The following CGNL1 variants were observed in gnomAD, a reference collection of about 807,000 sequenced individuals.
The protein encoded by CGNL1 is cingulin like 1, also known as cingulin-like protein 1.
In CGNL1, 132 loss-of-function variants were observed where a neutral mutation model predicts 141.2. That is an observed-to-expected ratio of 0.93 (90% CI 0.81 to 1.08). CGNL1 has a LOEUF of 1.08. Among genes scored for constraint, CGNL1 ranks in the 50% least tolerant of loss-of-function variants. The pLI is 0.00. For missense variants in CGNL1, 1,870 were observed against 1,588.6 expected (o/e 1.18, Z -3.01); for synonymous variants, 690 against 622.1 (o/e 1.11, Z -1.63).
Position 57,438,386 on chromosome 15 carries a change from T to C in CGNL1, c.387T>C (p.Val129=), listed in dbSNP as rs2063135136. 6.2e-7 allele frequency: 1 copy of C among 1,614,092 alleles called. No individual in the cohort carries two copies. Among genetic ancestry groups the C allele is most frequent in the South Asian group, 1.1e-5 (1 of 91,072 alleles). The change falls in exon 2 of 19, where the codon GTT becomes GTC. Residue 129 remains valine (V), a synonymous_variant. Coordinates refer to ENST00000281282, the MANE Select transcript of CGNL1 (RefSeq NM_032866.5). ...TGCTCCATGAGGGCAAGAATGGAGT[T>C]CTAGATCGCAAAGACGGGTCTGTGA... ...QPLLHEGKNG[V]LDRKDGSVKP...
At chr15:57,462,940 A>G (rs2063465141) in intron 8 of CGNL1, among the ~76,000 whole-genome samples, 1 of 152,088 alleles carries the variant, frequency 6.6e-6, no homozygotes, top group Non-Finnish European at 1.5e-5. Flanking sequence ...TATTGCTTTG[A>G]GGGGACATGC....
chr15:57,425,378 GA>G (rs1392783944), intron 1 of CGNL1, among the ~76,000 whole-genome samples: 1 of 151,898 alleles, frequency 6.6e-6, no homozygotes, highest in Non-Finnish European at 1.5e-5. Context: ...ATAAAAATAA[GA>G]AAAAAATAAA....
Position 57,471,262 on chromosome 15 carries a change from C to T in CGNL1, c.2403+9370C>T, listed in dbSNP as rs150934841. On this transcript the variant is annotated intron_variant, in intron 8 of 18. Transcript: ENST00000281282. ...CCAGGTCTACCATTAGGGCTTTTGGCGAGTAGATTTAGCAGCTGCTATTCT... is the reference window on the plus strand; with the variant it reads ...CCAGGTCTACCATTAGGGCTTTTGGTGAGTAGATTTAGCAGCTGCTATTCT... 7.9e-5 allele frequency among the ~76,000 whole-genome samples: 12 copies of T among 152,216 alleles called. No homozygotes were observed. In the South Asian group the frequency reaches 1.5e-3, roughly 18 times the overall value.
chr15:57,447,293 G>A (rs1355913461), intron 4 of CGNL1, among the ~76,000 whole-genome samples: 3 of 152,058 alleles, frequency 2.0e-5, no homozygotes, highest in Non-Finnish European at 2.9e-5. Flanking sequence ...TTTCCATCTC[G>A]GACTGGTTTC....
chr15:57,413,364 C>T (rs1268174537), intron 1 of CGNL1, among the ~76,000 whole-genome samples: 1 of 152,036 alleles, frequency 6.6e-6, no homozygotes, highest in Non-Finnish European at 1.5e-5. Context: ...GCAGCCACAA[C>T]CTCCTGGGCT....
chr15:57,397,310 C>A (rs1194483836), intron 1 of CGNL1, among the ~76,000 whole-genome samples: 1 of 152,120 alleles, frequency 6.6e-6, no homozygotes, highest in Non-Finnish European at 1.5e-5. Flanking sequence ...AAACGGTTCT[C>A]CTTCATCAGC....
chr15:57,486,891 G>C (rs1830333029), intron 8 of CGNL1, among the ~76,000 whole-genome samples: 3 of 152,128 alleles, frequency 2.0e-5, no homozygotes, highest in Non-Finnish European at 4.4e-5. Flanking sequence ...TTCTGTCCTT[G>C]TTTTACATTT....
At chr15:57,500,183 G>C (rs1450169989) in intron 8 of CGNL1, among the ~76,000 whole-genome samples, 2 of 152,144 alleles carry the variant, frequency 1.3e-5, no homozygotes, top group African/African-American at 4.8e-5. Flanking sequence ...TCCTTTGGTG[G>C]GTGGCCACTG....
chr15:57,521,899 C>T (rs1201347278), intron 10 of CGNL1, among the ~76,000 whole-genome samples: 4 of 152,044 alleles, frequency 2.6e-5, no homozygotes, highest in African/African-American at 7.2e-5. Context: ...TACAGGAAGC[C>T]ATTGGGGGCC....
intron 1 of CGNL1, among the ~76,000 whole-genome samples, chr15:57,436,541 G>T (rs1389539602): frequency 6.6e-6 from 1 of 151,786 alleles, no homozygotes; most frequent in African/African-American, 2.4e-5. Context: ...AAGCTGCTAT[G>T]TGGGGAGTCT....
chr15:57,416,448 G>A (rs2062850507), intron 1 of CGNL1, among the ~76,000 whole-genome samples: 2 of 152,088 alleles, frequency 1.3e-5, no homozygotes, highest in Admixed American at 1.3e-4. Context: ...CTAGACCTTT[G>A]CATCCTGCTC....
At chr15:57,452,569 C>CA (rs2063334592) in intron 6 of CGNL1, among the ~76,000 whole-genome samples, 2 of 152,168 alleles carry the variant, frequency 1.3e-5, no homozygotes. Context: ...AAGTGGGAAG[C>CA]AGGGAGCACT....
intron 1 of CGNL1, among the ~76,000 whole-genome samples, chr15:57,380,970 C>T (rs1390344323): frequency 6.6e-6 from 1 of 152,200 alleles, no homozygotes; most frequent in East Asian, 1.9e-4. Context: ...GACATTGGTT[C>T]CTCATCATAC....
chr15:57,429,454 A>AATTTGG (rs2152294082), intron 1 of CGNL1, among the ~76,000 whole-genome samples: 1 of 152,350 alleles, frequency 6.6e-6, no homozygotes, highest in Non-Finnish European at 1.5e-5. Flanking sequence ...AAACGATAAT[A>AATTTGG]ACCCTTTATT....
At chr15:57,380,003 G>T (rs2062407795) in intron 1 of CGNL1, among the ~76,000 whole-genome samples, 1 of 152,100 alleles carries the variant, frequency 6.6e-6, no homozygotes, top group South Asian at 2.1e-4. Context: ...CCTTGGGGGA[G>T]ATAGTGCTTC....
chr15:57,405,849 TTCTTTTCTTTTTCTTTCTG>T (rs1264107633), intron 1 of CGNL1: 9 of 149,486 alleles, frequency 6.0e-5, no homozygotes, highest in African/African-American at 2.2e-4. Flanking sequence ...TTCTTTTTCT[TTCTTTTCTTTTTCTTTCTG>T]TCTGTCCGTC....
intron 12 of CGNL1, among the ~76,000 whole-genome samples, chr15:57,528,068 C>T (rs1332740798): frequency 6.6e-6 from 1 of 152,122 alleles, no homozygotes. Context: ...ACCAGCCTGG[C>T]CACCATGGTG....
At chr15:57,482,364 C>T (rs2063736757) in intron 8 of CGNL1, among the ~76,000 whole-genome samples, 1 of 152,064 alleles carries the variant, frequency 6.6e-6, no homozygotes, top group South Asian at 2.1e-4. Context: ...ATTTTCCTAC[C>T]TTAGATCCCA....
intron 9 of CGNL1, 59 bp downstream of exon 9, chr15:57,517,045 A>G: frequency 6.6e-7 from 1 of 1,504,418 alleles, no homozygotes; most frequent in Non-Finnish European, 9.1e-7. Context: ...TTTCCTGTGT[A>G]AGTGATTTCA....
Sources: allele counts gnomAD v4.1 joint callset (sites outside exome capture counted in the v4.1 genomes callset), GRCh38; gene constraint gnomAD v4.1.1; transcripts MANE v1.5; gene names NCBI Gene and HGNC (gene_info 2026-07-23, HGNC 2026-07-21).